AGO1: variants seen among roughly 807,000 people sequenced by gnomAD.
AGO1 encodes the protein argonaute RISC component 1.
In AGO1, 11 loss-of-function variants were observed where a neutral mutation model predicts 109.2. The observed-to-expected ratio is 0.10, with a 90% CI of 0.06 to 0.17. AGO1 has a LOEUF of 0.17. Among genes scored for constraint, AGO1 ranks in the 10% least tolerant of loss-of-function variants. The pLI is 1.00. For synonymous variants in AGO1, 422 were observed against 418.6 expected (o/e 1.01, Z -0.10); for missense variants, 574 against 1,140.3 (o/e 0.50, Z 7.15).
At chr1:35,885,689 G>C (rs1645109688) in intron 1 of AGO1, among the ~76,000 whole-genome samples, 1 of 152,242 alleles carries the variant, frequency 6.6e-6, no homozygotes, top group African/African-American at 2.4e-5. Flanking sequence ...GCCCAGGTCT[G>C]CCTTCTGTGC....
In AGO1 at chr1:35,884,248, T is replaced by G. The variant is rs557336863; in HGVS notation, c.25+802T>G. On this transcript the variant is annotated intron_variant, in intron 1 of 18. Coordinates refer to ENST00000373204, the MANE Select transcript of AGO1 (RefSeq NM_012199.5). ...CAGTCACAGTTTGCTAAGAATGGGT[T>G]GAGGGAAGCTGCCAAAGTGCATTTT... is the stretch of plus-strand genomic sequence containing the variant. 1.4e-4 allele frequency among the ~76,000 whole-genome samples: 22 copies of G among 152,188 alleles called. No homozygotes were observed. In the South Asian group the frequency reaches 4.4e-3, roughly 30 times the overall value.
intron 1 of AGO1, among the ~76,000 whole-genome samples, chr1:35,874,175 T>C (rs772001460): frequency 1.1e-4 from 17 of 152,160 alleles, no homozygotes; most frequent in Non-Finnish European, 2.4e-4. Context: ...GGCTTTGTTA[T>C]TGTTTTAGAG....
In AGO1 at chr1:35,917,622, T is replaced by C. The variant is rs1282114791; in HGVS notation, c.2058T>C (p.Arg686=). ...QILHYELLAI[R]DACIKLEKDY... The stretch of plus-strand genomic sequence containing the variant: ...TCCACTATGAGCTACTGGCCATTCG[T>C]GATGCCTGCATCAAACTGGAAAAGG... The change falls in exon 16 of 19, where the codon CGT becomes CGC. Residue 686 remains arginine, a synonymous_variant. Transcript: ENST00000373204. The C allele has an allele frequency of 1.2e-6, 2 of 1,613,750 alleles. No homozygotes were observed. Among genetic ancestry groups the C allele is most frequent in the Non-Finnish European group, 1.7e-6 (2 of 1,179,656 alleles).
intron 12 of AGO1, among the ~76,000 whole-genome samples, chr1:35,908,397 C>T (rs935245199): frequency 2.0e-5 from 3 of 152,198 alleles, no homozygotes; most frequent in African/African-American, 7.2e-5. Flanking sequence ...CCATTCATTT[C>T]AGTTGCTTCA....
chr1:35,878,225 A>G (rs1054689055), upstream of AGO1, among the ~76,000 whole-genome samples: 3 of 151,708 alleles, frequency 2.0e-5, no homozygotes, highest in African/African-American at 7.3e-5. Context: ...CTGGGACTTT[A>G]GGCACCCACC....
At chr1:35,912,360 GAAAAAA>G (rs753525049) in intron 12 of AGO1, among the ~76,000 whole-genome samples, 1 of 40,612 alleles carries the variant, frequency 2.5e-5, no homozygotes, top group Non-Finnish European at 5.2e-5. Flanking sequence ...CTCTGTCTCA[GAAAAAA>G]AAAAAAAAAA....
intron 16 of AGO1, among the ~76,000 whole-genome samples, 193 bp downstream of exon 16, chr1:35,917,920 C>T (rs1645763982): frequency 6.6e-6 from 1 of 152,114 alleles, no homozygotes; most frequent in African/African-American, 2.4e-5. Flanking sequence ...CCCGTCCTTC[C>T]CTTATACTTC....
Position 35,893,450 on chromosome 1 carries a change from G to A in AGO1, c.512+172G>A, listed in dbSNP as rs1645259202. ...TATATTTAGATGGTTTAAAGCCCTGGCCCTGAACTTCTTAGATATCTTTGG... is the reference window on the plus strand; with the variant it reads ...TATATTTAGATGGTTTAAAGCCCTGACCCTGAACTTCTTAGATATCTTTGG... On this transcript the variant is annotated intron_variant, in intron 4 of 18. Transcript: ENST00000373204. The surrounding 1 kb of genome is among the most constrained non-coding windows in gnomAD (Gnocchi z 5.6). 1.2e-6 allele frequency: 1 copy of A among 833,264 alleles called. No homozygotes were observed. Among genetic ancestry groups the A allele is most frequent in the African/African-American group, 1.7e-5 (1 of 58,206 alleles). 51.6% of individuals were successfully genotyped at this position (833,264 alleles called of 1,614,324 possible).
At position 35,901,638 on chromosome 1, in the gene AGO1, G is replaced by A. The variant is rs760781073; in HGVS notation, c.1140+45G>A. 2 of 1,612,576 alleles carry A rather than the reference G, an allele frequency of 1.2e-6. No homozygotes were observed. The highest frequency in any genetic ancestry group is 1.1e-5 in the South Asian group (1 of 90,852). On this transcript the variant is annotated intron_variant, in intron 9 of 18. Transcript: ENST00000373204. The surrounding 1 kb of genome is among the most constrained non-coding windows in gnomAD (Gnocchi z 4.8). Reference sequence around the variant, plus strand: ...TGCTCAGTCATTGGGGCCATTGGTAGCATAAATGTTTTAATGCCCCAGCAG... The same window carrying A: ...TGCTCAGTCATTGGGGCCATTGGTAACATAAATGTTTTAATGCCCCAGCAG...
chr1:35,889,781 C>T (rs1645184438), intron 2 of AGO1, among the ~76,000 whole-genome samples: 1 of 152,068 alleles, frequency 6.6e-6, no homozygotes, highest in Admixed American at 6.6e-5. Flanking sequence ...ATTCTCGTGC[C>T]TCTGCCTCCC....
Position 35,893,385 on chromosome 1 carries a change from A to T in AGO1, c.512+107A>T, listed in dbSNP as rs1571348310. The T allele has an allele frequency of 1.6e-6, 2 of 1,244,728 alleles. No homozygotes were observed. The highest frequency in any genetic ancestry group is 2.5e-5 in the Admixed American group (1 of 39,940). The allele number at this position is 1,244,728 out of a possible 1,614,324, so 77.1% of individuals were successfully genotyped here. A position where few individuals can be genotyped will look rare whatever the true frequency, so the allele number is the denominator to read the frequency against. The stretch of plus-strand genomic sequence containing the variant: ...CCACAGAGTGCCATTAAAAAAAAAA[A>T]TTATTTGAAGCCCTACCACTTGCCA... On this transcript the variant is annotated intron_variant, in intron 4 of 18. Transcript: ENST00000373204. The surrounding 1 kb of genome is among the most constrained non-coding windows in gnomAD (Gnocchi z 5.6).
Position 35,911,286 on chromosome 1 carries a change from A to G in AGO1, c.1583-2556A>G, listed in dbSNP as rs571603317. 3.9e-5 allele frequency among the ~76,000 whole-genome samples: 6 copies of G among 152,344 alleles called. No homozygotes were observed. The South Asian group carries it at 1.2e-3, about 32-fold the overall frequency. On this transcript the variant is annotated intron_variant, in intron 12 of 18. Transcript: ENST00000373204. ...AAAAATGAAAAAGAATCCCAGGGTCATGAAGATACTATTTGAAGTGTTTTT... is the reference window on the plus strand; with the variant it reads ...AAAAATGAAAAAGAATCCCAGGGTCGTGAAGATACTATTTGAAGTGTTTTT...
In AGO1 at chr1:35,914,217, G is replaced by A; in HGVS notation, c.1776G>A (p.Leu592=). ...TTTTTCAACAGCCAGTGATATTCCT[G>A]GGAGCAGATGTTACACACCCCCCAG... The part of the protein sequence containing the change: ...SAVFQQPVIF[L]GADVTHPPAG... Residue 592 remains leucine, a synonymous_variant, in exon 14 of 19, where the codon CTG becomes CTA. Coordinates refer to ENST00000373204, the MANE Select transcript of AGO1 (RefSeq NM_012199.5). 1 of 1,614,170 alleles carries A rather than the reference G, an allele frequency of 6.2e-7. No homozygotes were observed. Among genetic ancestry groups the A allele is most frequent in the Admixed American group, 1.7e-5 (1 of 60,028 alleles).
chr1:35,888,762 A>G lies in AGO1; in HGVS notation c.209+152A>G. The G allele has an allele frequency of 1.2e-6, 1 of 865,808 alleles. No homozygotes were observed. The highest frequency in any genetic ancestry group is 1.8e-5 in the South Asian group (1 of 54,316). 53.6% of individuals were successfully genotyped at this position (865,808 alleles called of 1,614,324 possible). A position where few individuals can be genotyped will look rare whatever the true frequency, so the allele number is the denominator to read the frequency against. On this transcript the variant is annotated intron_variant, in intron 2 of 18. Transcript: ENST00000373204. This position sits in a 1 kb window ranked among gnomAD's most constrained non-coding sequence, Gnocchi z 4.1. The stretch of plus-strand genomic sequence containing the variant: ...TGCCACGTCGGGTAAATGCTGAAAA[A>G]TAGTCCAATTGGACTTCGCTATTGG...
At position 35,908,816 on chromosome 1, in the gene AGO1, C is replaced by CTT. The variant is rs397861392; in HGVS notation, c.1582+1716_1582+1717dup. On this transcript the variant is annotated intron_variant, in intron 12 of 18. Transcript: ENST00000373204. ...ACTTCTCAACTGAGTTCTAACCTTC[C>CTT]TTTTTTTTTTTTTTTTTTTTGAGAC... Among the ~76,000 whole-genome samples the CTT allele has an allele frequency of 8.9e-4, 117 of 131,332 alleles. 1 individual carries two copies. Among genetic ancestry groups the CTT allele is most frequent in the South Asian group, 5.2e-3 (21 of 4,018 alleles). The allele number at this position is 131,332 out of a possible 152,430, so 86.2% of individuals were successfully genotyped here. A position where few individuals can be genotyped will look rare whatever the true frequency, so the allele number is the denominator to read the frequency against.
chr1:35,912,364 A>G (rs1645650900), intron 12 of AGO1, among the ~76,000 whole-genome samples: 2 of 134,808 alleles, frequency 1.5e-5, no homozygotes, highest in Non-Finnish European at 1.7e-5. Context: ...GTCTCAGAAA[A>G]AAAAAAAAAA....
intron 1 of AGO1, among the ~76,000 whole-genome samples, chr1:35,886,649 G>A (rs1409077285): frequency 1.3e-5 from 2 of 152,188 alleles, no homozygotes; most frequent in Non-Finnish European, 2.9e-5. Context: ...GGGAGGGAAA[G>A]GATGTCTCTT....
intron 1 of AGO1, among the ~76,000 whole-genome samples, chr1:35,885,619 AAAC>A (rs1191042851): frequency 2.6e-5 from 4 of 152,204 alleles, no homozygotes; most frequent in Non-Finnish European, 5.9e-5. Flanking sequence ...GTTGTGTAAA[AAAC>A]AACAACAAAA....
intron 14 of AGO1, 83 bp from the exon 15 acceptor site, chr1:35,915,265 T>G: frequency 1.6e-6 from 2 of 1,276,042 alleles, no homozygotes; most frequent in Non-Finnish European, 2.2e-6. Flanking sequence ...GTAGTTTTCT[T>G]GCTAAGAAGC....
Sources: gnomAD v4.1 joint callset for allele counts (sites outside exome capture counted in the v4.1 genomes callset) on GRCh38, gnomAD v4.1.1 for gene constraint, Gnocchi (gnomAD v3.1) non-coding constraint, MANE v1.5 for transcripts, NCBI Gene and HGNC (gene_info 2026-07-23, HGNC 2026-07-21) for gene names.